Variants in PHKB observed in about 807,000 individuals in gnomAD.
PHKB encodes phosphorylase kinase regulatory subunit beta, also known as phosphorylase b kinase regulatory subunit beta.
A neutral mutation model predicts 152.1 loss-of-function variants in PHKB; 122 were observed. The ratio of observed to expected loss-of-function variants is 0.80; its 90% CI spans 0.69 to 0.93. The LOEUF is 0.93. Among genes scored for constraint, PHKB ranks in the 40% least tolerant of loss-of-function variants. The pLI is 0.00. For missense variants in PHKB, 1,304 were observed against 1,328.4 expected (o/e 0.98, Z 0.29); for synonymous variants, 436 against 464.9 (o/e 0.94, Z 0.80).
At chr16:47,598,854 C>G in intron 13 of PHKB, 2 of 1,606,338 alleles carry the variant, frequency 1.2e-6, no homozygotes, top group Non-Finnish European at 1.7e-6. Context: ...CATTTGTAAT[C>G]TGTTCTGTAT....
chr16:47,496,922 G>A (rs1377386430), intron 1 of PHKB, among the ~76,000 whole-genome samples: 1 of 152,168 alleles, frequency 6.6e-6, no homozygotes, highest in Non-Finnish European at 1.5e-5. Context: ...AATATTCGTG[G>A]AGTGGATGGC....
At chr16:47,598,996 C>T (rs1442437910) in intron 13 of PHKB, 21 of 956,138 alleles carry the variant, frequency 2.2e-5, no homozygotes, top group Middle Eastern at 2.3e-4. Flanking sequence ...CTTCAGCACA[C>T]CCTCCCTGAC....
chr16:47,699,347 AC>A lies in PHKB; in HGVS notation c.3266del (p.Pro1089ArgfsTer3). 6.2e-7 allele frequency: 1 copy of A among 1,614,140 alleles called. No individual in the cohort carries two copies. ...LEGEVKPNND[D>X]PCLIS ...GGAGAAGTCAAGCCAAACAATGATG[AC>A]CCGTGTCTGATTAGCTAGTGGGGAA... On this transcript the variant is annotated frameshift_variant, in exon 31 of 31. Coordinates refer to ENST00000323584, the MANE Select transcript of PHKB (RefSeq NM_000293.3). LOFTEE classifies it high-confidence loss of function.
At chr16:47,651,578 A>G (rs897328425) in intron 20 of PHKB, among the ~76,000 whole-genome samples, 1 of 152,140 alleles carries the variant, frequency 6.6e-6, no homozygotes, top group Admixed American at 6.5e-5. Context: ...ATATACTTCT[A>G]TTCTTCACCA....
intron 14 of PHKB, among the ~76,000 whole-genome samples, chr16:47,614,070 A>G (rs1182310024): frequency 1.3e-5 from 2 of 152,234 alleles, no homozygotes; most frequent in South Asian, 2.1e-4. Flanking sequence ...AAGAGGTTCC[A>G]CAGGCTGTAC....
intron 6 of PHKB, among the ~76,000 whole-genome samples, chr16:47,541,399 A>G (rs183510504): frequency 1.3e-5 from 2 of 152,166 alleles, no homozygotes; most frequent in East Asian, 1.9e-4. Flanking sequence ...TCTATCATTG[A>G]TGGACATTTG....
Position 47,511,709 on chromosome 16 carries a change from C to T in PHKB, c.450C>T (p.His150=), listed in dbSNP as rs1271483148. The T allele has an allele frequency of 6.2e-7, 1 of 1,613,596 alleles. No homozygotes were observed. ...ATCCACGCCCAACAACATGTCTTCA[C>T]TCTGTTTTCAATGTGCATACAGGAG... is the stretch of plus-strand genomic sequence containing the variant. The part of the protein sequence containing the change: ...KQDPRPTTCL[H]SVFNVHTGDE... The change falls in exon 5 of 31, where the codon CAC becomes CAT. Residue 150 remains histidine, a synonymous_variant. Transcript: ENST00000323584.
chr16:47,484,289 G>A (rs527790486), intron 1 of PHKB, among the ~76,000 whole-genome samples: 1 of 152,232 alleles, frequency 6.6e-6, no homozygotes, highest in African/African-American at 2.4e-5. Context: ...ATTTGGATAA[G>A]TTGAATAGGC....
intron 14 of PHKB, among the ~76,000 whole-genome samples, chr16:47,624,383 A>G (rs1281291486): frequency 6.6e-6 from 1 of 152,260 alleles, no homozygotes; most frequent in East Asian, 1.9e-4. Context: ...CCTATGTAGC[A>G]GAACATGAGC....
intron 14 of PHKB, among the ~76,000 whole-genome samples, chr16:47,615,333 A>G (rs1350193208): frequency 6.6e-6 from 1 of 152,180 alleles, no homozygotes; most frequent in African/African-American, 2.4e-5. Context: ...GAGTCAGGAA[A>G]GCCGTCTGGG....
intron 3 of PHKB, among the ~76,000 whole-genome samples, chr16:47,501,942 C>G (rs1970331162): frequency 6.6e-6 from 1 of 152,062 alleles, no homozygotes; most frequent in Non-Finnish European, 1.5e-5. Flanking sequence ...CTGTATAGAG[C>G]AAATTCATGC....
chr16:47,699,081 A>C (rs1974204371), intron 30 of PHKB, 148 bp from the exon 31 acceptor site: 2 of 749,704 alleles, frequency 2.7e-6, no homozygotes. Flanking sequence ...ACACCTCAGG[A>C]AAATGAAAGA....
chr16:47,511,313 C>G (rs1300139430), intron 4 of PHKB, among the ~76,000 whole-genome samples: 1 of 152,172 alleles, frequency 6.6e-6, no homozygotes, highest in African/African-American at 2.4e-5. Context: ...AATAACAGCT[C>G]AGTGGAATAC....
chr16:47,493,115 C>T (rs1367066468), intron 1 of PHKB, among the ~76,000 whole-genome samples: 1 of 152,142 alleles, frequency 6.6e-6, no homozygotes, highest in African/African-American at 2.4e-5. Flanking sequence ...CTTCCTGAGG[C>T]TCCACCCCGT....
At chr16:47,589,940 A>G (rs1971999846) in intron 10 of PHKB, among the ~76,000 whole-genome samples, 1 of 152,108 alleles carries the variant, frequency 6.6e-6, no homozygotes, top group Non-Finnish European at 1.5e-5. Context: ...ACATGCCACA[A>G]TGCCCAGCCC....
rs889015894 is a variant in PHKB, at chr16:47,588,897, G to T, written c.871-8G>T. ...ACACTCACAGTCTCTCTTTCTCATTGCCTCCAGAATACAGATGCTGCCCTG... is the reference window on the plus strand; with the variant it reads ...ACACTCACAGTCTCTCTTTCTCATTTCCTCCAGAATACAGATGCTGCCCTG... On this transcript the variant is annotated splice_region_variant and splice_polypyrimidine_tract_variant and intron_variant, in intron 9 of 30. Transcript: ENST00000323584. The T allele has an allele frequency of 6.2e-7, 1 of 1,611,760 alleles. No individual in the cohort carries two copies. The highest frequency in any genetic ancestry group is 1.7e-5 in the Admixed American group (1 of 59,930).
Position 47,649,166 on chromosome 16 carries a change from A to C in PHKB, c.1759A>C (p.Met587Leu), listed in dbSNP as rs140636792. The C allele has an allele frequency of 7.7e-5, 124 of 1,606,892 alleles. No individual in the cohort carries two copies. The East Asian group carries it at 2.7e-3, about 34-fold the overall frequency. The change falls in exon 18 of 31, where the codon ATG becomes CTG. Residue 587 changes from methionine (M) to leucine (L), a missense_variant. By Grantham distance (15) the Met-to-Leu change is conservative. Transcript: ENST00000323584. ...TATTTTCGACCTAAGTGATTTCTAC[A>C]TGTCTCAGGATGTTTTCCTGCTGAT... is the stretch of plus-strand genomic sequence containing the variant. The part of the protein sequence containing the change: ...PIIFDLSDFY[M>L]SQDVFLLIDD...
intron 7 of PHKB, among the ~76,000 whole-genome samples, chr16:47,573,875 A>G (rs1012554328): frequency 4.6e-5 from 7 of 152,194 alleles, no homozygotes; most frequent in East Asian, 1.9e-4. Context: ...AGGATCAGCA[A>G]TGGCTTCCCT....
At chr16:47,555,970 C>T (rs1226243171) in intron 7 of PHKB, among the ~76,000 whole-genome samples, 1 of 152,120 alleles carries the variant, frequency 6.6e-6, no homozygotes, top group African/African-American at 2.4e-5. Flanking sequence ...GTTTGTAATT[C>T]TCCTTGAAGA....
Sources: allele counts gnomAD v4.1 joint callset (sites outside exome capture counted in the v4.1 genomes callset), GRCh38; gene constraint gnomAD v4.1.1; transcripts MANE v1.5; gene names NCBI Gene and HGNC (gene_info 2026-07-23, HGNC 2026-07-21).